FER: variants seen among roughly 807,000 people sequenced by gnomAD.
The protein encoded by FER is FER tyrosine kinase.
FER carries 63 observed loss-of-function variants against 111.0 expected under a neutral mutation model. The observed-to-expected ratio is 0.57, with a 90% CI of 0.46 to 0.70. The LOEUF (loss-of-function observed/expected upper bound fraction) is 0.70. Ranked by LOEUF, FER falls within the 30% of genes least tolerant of loss-of-function variation. The pLI, the probability that FER is intolerant of heterozygous loss-of-function variation, is 0.00. For synonymous variants in FER, 327 were observed against 313.9 expected (o/e 1.04, Z -0.44); for missense variants, 914 against 954.0 (o/e 0.96, Z 0.55).
intron 16 of FER, among the ~76,000 whole-genome samples, chr5:109,059,281 A>G (rs1359337669): frequency 6.6e-6 from 1 of 152,070 alleles, no homozygotes; most frequent in Admixed American, 6.6e-5. Flanking sequence ...TGGAGAAACT[A>G]AATAGACTTG....
At chr5:109,034,670 GGTT>G (rs1770114309) in intron 13 of FER, among the ~76,000 whole-genome samples, 2 of 151,710 alleles carry the variant, frequency 1.3e-5, no homozygotes, top group Admixed American at 1.3e-4. Context: ...TTCTTTGTTT[GGTT>G]GTTTTTTCTT....
At chr5:108,770,338 G>T (rs1752765737) in intron 2 of FER, among the ~76,000 whole-genome samples, 1 of 152,180 alleles carries the variant, frequency 6.6e-6, no homozygotes, top group South Asian at 2.1e-4. Context: ...CTTTTATACT[G>T]AGTTTTAAGT....
intron 17 of FER, among the ~76,000 whole-genome samples, chr5:109,161,666 T>C (rs1055119332): frequency 6.6e-6 from 1 of 152,106 alleles, no homozygotes; most frequent in Non-Finnish European, 1.5e-5. Context: ...GTTGATTCCA[T>C]ATCTTTGCTA....
chr5:108,887,190 A>C (rs1196760871), intron 9 of FER, among the ~76,000 whole-genome samples: 1 of 151,744 alleles, frequency 6.6e-6, no homozygotes, highest in Non-Finnish European at 1.5e-5. Context: ...TTGCATTCTT[A>C]AATTATTTTT....
intron 1 of FER, among the ~76,000 whole-genome samples, chr5:108,752,799 A>G (rs964082307): frequency 6.6e-6 from 1 of 152,052 alleles, no homozygotes; most frequent in Non-Finnish European, 1.5e-5. Flanking sequence ...ATTATTTTAA[A>G]AATATTCATA....
chr5:108,898,797 C>T (rs1006916905), intron 10 of FER, among the ~76,000 whole-genome samples: 1 of 151,626 alleles, frequency 6.6e-6, no homozygotes, highest in African/African-American at 2.4e-5. Flanking sequence ...GGTAGTATCA[C>T]CAGACACTGT....
chr5:109,150,964 T>A (rs1002305369), intron 17 of FER, among the ~76,000 whole-genome samples: 4 of 152,154 alleles, frequency 2.6e-5, no homozygotes, highest in Non-Finnish European at 5.9e-5. Context: ...ACAATTGTAT[T>A]GGAAATAAGT....
intron 3 of FER, among the ~76,000 whole-genome samples, chr5:108,814,317 A>G (rs2150085227): frequency 6.6e-6 from 1 of 152,284 alleles, no homozygotes; most frequent in Admixed American, 6.5e-5. Context: ...CGCGCAAGAA[A>G]TAATTCAGAA....
chr5:108,900,025 T>C (rs1749783444), intron 10 of FER, among the ~76,000 whole-genome samples: 1 of 152,234 alleles, frequency 6.6e-6, no homozygotes, highest in Non-Finnish European at 1.5e-5. Flanking sequence ...GCATATTTCA[T>C]TTTATCAAAT....
At chr5:108,825,101 C>G (rs1408820543) in intron 3 of FER, among the ~76,000 whole-genome samples, 1 of 152,136 alleles carries the variant, frequency 6.6e-6, no homozygotes, top group African/African-American at 2.4e-5. Context: ...GACCACAGGA[C>G]GGAGGCGAAA....
intron 10 of FER, among the ~76,000 whole-genome samples, chr5:108,942,399 C>T (rs1324571061): frequency 2.0e-5 from 3 of 152,058 alleles, no homozygotes; most frequent in African/African-American, 7.2e-5. Flanking sequence ...TTTCTAATTT[C>T]ATTATTTCAG....
intron 9 of FER, among the ~76,000 whole-genome samples, chr5:108,884,722 G>A (rs957115020): frequency 1.1e-4 from 17 of 151,452 alleles, no homozygotes; most frequent in African/African-American, 3.6e-4. Flanking sequence ...TTTTTCCCAC[G>A]TACTATCTTT....
intron 13 of FER, among the ~76,000 whole-genome samples, chr5:108,980,792 G>A (rs1323782898): frequency 6.6e-6 from 1 of 152,134 alleles, no homozygotes; most frequent in Non-Finnish European, 1.5e-5. Context: ...AATATCCTCT[G>A]TGGGTCTGAC....
At chr5:108,780,046 C>T (rs968629507) in intron 2 of FER, among the ~76,000 whole-genome samples, 1 of 152,028 alleles carries the variant, frequency 6.6e-6, no homozygotes, top group African/African-American at 2.4e-5. Context: ...TGTGTTAGAT[C>T]GACTGAGAGT....
At position 109,035,465 on chromosome 5, in the gene FER, G is replaced by A. The variant is rs576843028; in HGVS notation, c.1657-1957G>A. Among the ~76,000 whole-genome samples the A allele has an allele frequency of 2.0e-5, 3 of 152,312 alleles. No individual in the cohort carries two copies. The South Asian group carries it at 6.2e-4, about 32-fold the overall frequency. On this transcript the variant is annotated intron_variant, in intron 13 of 19. Coordinates refer to ENST00000281092, the MANE Select transcript of FER (RefSeq NM_005246.4). ...TGCAAGTGCTCTGTTGTATGCATCT[G>A]TAGTAAGTTCCTTTTTATTGCCGAA... is the stretch of plus-strand genomic sequence containing the variant.
At chr5:108,956,725 A>G (rs921530508) in intron 12 of FER, among the ~76,000 whole-genome samples, 2 of 151,592 alleles carry the variant, frequency 1.3e-5, no homozygotes, top group African/African-American at 4.8e-5. Flanking sequence ...TTTTTGCTGT[A>G]TAGTGTTGAG....
At chr5:108,966,773 A>G (rs866909393) in intron 13 of FER, among the ~76,000 whole-genome samples, 11 of 152,130 alleles carry the variant, frequency 7.2e-5, no homozygotes, top group African/African-American at 2.4e-4. Flanking sequence ...AAAATGTACA[A>G]TATTTCTGAT....
chr5:109,036,646 C>T (rs772682265), intron 13 of FER, among the ~76,000 whole-genome samples: 1 of 152,024 alleles, frequency 6.6e-6, no homozygotes, highest in East Asian at 1.9e-4. Flanking sequence ...TCTTCCCTTC[C>T]TCTCTTTCTT....
intron 3 of FER, among the ~76,000 whole-genome samples, chr5:108,800,276 A>AT (rs1439924319): frequency 2.0e-5 from 3 of 151,990 alleles, no homozygotes; most frequent in Admixed American, 2.0e-4. Flanking sequence ...TTTCTTTGTT[A>AT]TTGCTAATTT....
Sources: allele counts gnomAD v4.1 joint callset (sites outside exome capture counted in the v4.1 genomes callset), GRCh38; gene constraint gnomAD v4.1.1; transcripts MANE v1.5; gene names NCBI Gene and HGNC (gene_info 2026-07-23, HGNC 2026-07-21).